The following INPP4B variants were observed in gnomAD, a reference collection of about 807,000 sequenced individuals.
INPP4B encodes inositol polyphosphate 4-phosphatase type II.
Under a neutral mutation model 122.5 loss-of-function variants are expected in INPP4B, and 55 were observed. The ratio of observed to expected loss-of-function variants is 0.45; its 90% CI spans 0.36 to 0.56. The LOEUF is 0.56. INPP4B is among the 20% of genes least tolerant of loss of function. The pLI is 0.00. For missense variants in INPP4B, 1,000 were observed against 1,097.7 expected, an observed-to-expected ratio of 0.91 and a Z score of 1.26; for synonymous variants, 403 against 388.7, an observed-to-expected ratio of 1.04 and a Z score of -0.43.
At chr4:142,309,044 A>G (rs1456040092) in intron 8 of INPP4B, among the ~76,000 whole-genome samples, 1 of 152,188 alleles carries the variant, frequency 6.6e-6, no homozygotes. Context: ...TTGCTGAAAA[A>G]AATGCCTATG....
intron 2 of INPP4B, among the ~76,000 whole-genome samples, chr4:142,484,071 C>A (rs1820918016): frequency 6.6e-6 from 1 of 152,008 alleles, no homozygotes. Context: ...AAAGAAGATG[C>A]AGAAAGGAAC....
chr4:142,261,683 G>T (rs935164886), intron 10 of INPP4B, among the ~76,000 whole-genome samples: 1 of 152,020 alleles, frequency 6.6e-6, no homozygotes, highest in African/African-American at 2.4e-5. Context: ...CCAGGCACTG[G>T]CCCTCTTTAA....
intron 11 of INPP4B, among the ~76,000 whole-genome samples, chr4:142,251,290 G>A (rs1236101990): frequency 6.6e-6 from 1 of 152,068 alleles, no homozygotes. Flanking sequence ...TGATTTTGGT[G>A]ATAACCTGAA....
intron 3 of INPP4B, among the ~76,000 whole-genome samples, chr4:142,444,844 GA>G (rs1318513479): frequency 2.6e-5 from 4 of 152,016 alleles, no homozygotes; most frequent in Non-Finnish European, 5.9e-5. Flanking sequence ...AGAAAAAAAA[GA>G]ATGAGTTTAT....
At chr4:142,686,417 T>C (rs940630270) in intron 2 of INPP4B, among the ~76,000 whole-genome samples, 1 of 152,082 alleles carries the variant, frequency 6.6e-6, no homozygotes, top group African/African-American at 2.4e-5. Flanking sequence ...ACAGTCTAGT[T>C]GGCTGTGTGT....
chr4:142,408,372 A>G (rs764551509), intron 5 of INPP4B, among the ~76,000 whole-genome samples: 89 of 151,860 alleles, frequency 5.9e-4, no homozygotes, highest in Middle Eastern at 3.4e-3. Flanking sequence ...GGCCAACATG[A>G]CGAAACCCCA....
chr4:142,544,408 C>A (rs977051230), intron 2 of INPP4B, among the ~76,000 whole-genome samples: 1 of 152,008 alleles, frequency 6.6e-6, no homozygotes, highest in African/African-American at 2.4e-5. Context: ...AGAGACCACC[C>A]TGAAGGGCCT....
rs374089993 is a variant in INPP4B, at chr4:142,593,104, T to A, written c.-190-130378A>T. On this transcript the variant is annotated intron_variant, in intron 2 of 25. Coordinates refer to ENST00000262992, the MANE Select transcript of INPP4B (RefSeq NM_001101669.3). Reference sequence around the variant, plus strand: ...GGGTGATACAGTGAGATCCTGTTTTTAAAAAAAAAAAAAAATGGTAGTGTA... The same window carrying A: ...GGGTGATACAGTGAGATCCTGTTTTAAAAAAAAAAAAAAAATGGTAGTGTA... Among the ~76,000 whole-genome samples, 788 of 143,196 alleles carry A rather than the reference T, an allele frequency of 5.5e-3. 1 individual carries two copies. The highest frequency in any genetic ancestry group is 7.3e-3 in the Non-Finnish European group (473 of 65,118). The allele number at this position is 143,196 out of a possible 152,430, so 93.9% of individuals were successfully genotyped here. A position where few individuals can be genotyped will look rare whatever the true frequency, so the allele number is the denominator to read the frequency against.
intron 16 of INPP4B, among the ~76,000 whole-genome samples, chr4:142,167,289 G>C (rs1823254845): frequency 6.6e-6 from 1 of 151,716 alleles, no homozygotes; most frequent in African/African-American, 2.4e-5. Context: ...AACACACACA[G>C]AAACAGAAAA....
intron 8 of INPP4B, among the ~76,000 whole-genome samples, chr4:142,311,265 A>T (rs1053013311): frequency 1.3e-5 from 2 of 152,162 alleles, no homozygotes; most frequent in Non-Finnish European, 2.9e-5. Flanking sequence ...AATAACACGT[A>T]ATCTGAGGGT....
Position 142,254,919 on chromosome 4 carries a change from G to T in INPP4B, c.688+5573C>A, listed in dbSNP as rs533826121. 3.9e-5 allele frequency among the ~76,000 whole-genome samples: 6 copies of T among 152,096 alleles called. No homozygotes were observed. The South Asian group carries it at 1.2e-3, about 32-fold the overall frequency. On this transcript the variant is annotated intron_variant, in intron 11 of 25. Transcript: ENST00000262992. The stretch of plus-strand genomic sequence containing the variant: ...CATAATTGTCAGATTCACCAAAGTG[G>T]AAATGAAGGAAAAAATGTTAAGGGC...
At chr4:142,089,552 T>C (rs1002188099) in intron 23 of INPP4B, among the ~76,000 whole-genome samples, 1 of 152,034 alleles carries the variant, frequency 6.6e-6, no homozygotes, top group Non-Finnish European at 1.5e-5. Flanking sequence ...ATGGTAATTA[T>C]TTAATAATGG....
intron 25 of INPP4B, among the ~76,000 whole-genome samples, chr4:142,074,103 C>A (rs1417354683): frequency 6.6e-6 from 1 of 151,996 alleles, no homozygotes; most frequent in Non-Finnish European, 1.5e-5. Context: ...ACTGTGCTTT[C>A]ATTTAAAAAA....
intron 12 of INPP4B, among the ~76,000 whole-genome samples, chr4:142,221,287 C>G (rs867662983): frequency 1.4e-5 from 2 of 146,326 alleles, no homozygotes; most frequent in African/African-American, 5.1e-5. Flanking sequence ...GTAGTCCCAG[C>G]TATTCGGGAG....
chr4:142,157,288 A>G lies in INPP4B; in HGVS notation c.1563+3070T>C, dbSNP rs540743784. Among the ~76,000 whole-genome samples the G allele has an allele frequency of 3.9e-5, 6 of 152,252 alleles. No homozygotes were observed. The South Asian group carries it at 8.3e-4, about 21-fold the overall frequency. Reference sequence around the variant, plus strand: ...ATGACTCTGGTGAAATATTGTTTCTATCTTTTTATAAGGGATTTCTATCCT... The same window carrying G: ...ATGACTCTGGTGAAATATTGTTTCTGTCTTTTTATAAGGGATTTCTATCCT... On this transcript the variant is annotated intron_variant, in intron 17 of 25. Coordinates refer to ENST00000262992, the MANE Select transcript of INPP4B (RefSeq NM_001101669.3).
At chr4:142,709,847 ATTTCC>A (rs1477153215) in intron 2 of INPP4B, among the ~76,000 whole-genome samples, 3 of 152,126 alleles carry the variant, frequency 2.0e-5, no homozygotes, top group African/African-American at 2.4e-5. Flanking sequence ...CCCACCTCTC[ATTTCC>A]TTTCAAGTTT....
At chr4:142,545,739 A>ATATATATACACATATG (rs1353062147) in intron 2 of INPP4B, among the ~76,000 whole-genome samples, 4 of 112,748 alleles carry the variant, frequency 3.5e-5, no homozygotes, top group South Asian at 2.9e-4. Context: ...ATACACATAT[A>ATATATATACACATATG]TGTGTATATA....
chr4:142,129,463 G>A (rs756097649), intron 18 of INPP4B, among the ~76,000 whole-genome samples: 2 of 152,156 alleles, frequency 1.3e-5, no homozygotes, highest in African/African-American at 4.8e-5. Context: ...CTAATAATAA[G>A]GTTTCTTCTG....
chr4:142,209,929 CA>C (rs1460692272), intron 12 of INPP4B, among the ~76,000 whole-genome samples: 4 of 150,762 alleles, frequency 2.7e-5, no homozygotes, highest in Non-Finnish European at 4.4e-5. Flanking sequence ...CCCTCTTTAT[CA>C]AAAAGAAGAG....
Sources: gnomAD v4.1 joint callset for allele counts (sites outside exome capture counted in the v4.1 genomes callset) on GRCh38, gnomAD v4.1.1 for gene constraint, MANE v1.5 for transcripts, NCBI Gene and HGNC (gene_info 2026-07-23, HGNC 2026-07-21) for gene names.